RGS22: variants seen among roughly 807,000 people sequenced by gnomAD.
RGS22 encodes the protein regulator of G-protein signaling 22.
Under a neutral mutation model 172.9 loss-of-function variants are expected in RGS22, and 148 were observed. The ratio of observed to expected loss-of-function variants is 0.86; its 90% CI spans 0.75 to 0.98. The LOEUF is 0.98. RGS22 is among the 50% of genes least tolerant of loss of function. RGS22 has a pLI of 0.00. For synonymous variants in RGS22, 458 were observed against 480.2 expected (o/e 0.95, Z 0.60); for missense variants, 1,347 against 1,440.8 (o/e 0.93, Z 1.05).
chr8:100,003,859 AT>A, intron 17 of RGS22, 66 bp downstream of exon 17: 2 of 1,320,824 alleles, frequency 1.5e-6, no homozygotes, highest in Non-Finnish European at 2.0e-6. Context: ...CTTTTATAAT[AT>A]GTTGAATCAA....
chr8:100,031,881 G>T (rs1007893726), intron 14 of RGS22, among the ~76,000 whole-genome samples: 3 of 152,090 alleles, frequency 2.0e-5, no homozygotes, highest in Non-Finnish European at 2.9e-5. Flanking sequence ...TTAAGGAAAA[G>T]AATTTTCAAC....
intron 9 of RGS22, among the ~76,000 whole-genome samples, chr8:100,057,448 C>T (rs1809731391): frequency 6.6e-6 from 1 of 152,138 alleles, no homozygotes; most frequent in Non-Finnish European, 1.5e-5. Flanking sequence ...TGTGATTTGG[C>T]TTTGTGTCCC....
chr8:100,085,590 T>G (rs1812098966), intron 3 of RGS22, among the ~76,000 whole-genome samples: 1 of 152,228 alleles, frequency 6.6e-6, no homozygotes, highest in African/African-American at 2.4e-5. Flanking sequence ...AATGAGTCAC[T>G]GATTCTTCAG....
intron 16 of RGS22, among the ~76,000 whole-genome samples, chr8:100,005,100 A>G (rs927820141): frequency 4.6e-5 from 7 of 152,058 alleles, no homozygotes; most frequent in Admixed American, 1.3e-4. Flanking sequence ...AGAGTTTACA[A>G]TACAACCTTA....
intron 6 of RGS22, 22 bp from the exon 7 acceptor site, chr8:100,066,318 A>G: frequency 6.2e-7 from 1 of 1,604,184 alleles, no homozygotes; most frequent in Non-Finnish European, 8.5e-7. Context: ...GGAGCATATT[A>G]GTTTAACATA....
At chr8:99,991,254 T>C (rs1350791469) in intron 20 of RGS22, among the ~76,000 whole-genome samples, 1 of 152,128 alleles carries the variant, frequency 6.6e-6, no homozygotes, top group Non-Finnish European at 1.5e-5. Flanking sequence ...TAAAGCAGGA[T>C]GGACAATGAC....
At position 99,965,337 on chromosome 8, in the gene RGS22, G is replaced by A; in HGVS notation, c.3613C>T (p.Gln1205Ter). ...TCTGCACCATCTTGCATGCTTACCT[G>A]TCGGCCATATGGTTGGAGGCCTAGG... ...SFLGLQPYGR[Q>*]PTWCYSKYIE... The change falls in exon 24 of 28, where the codon CAG (glutamine) becomes TAG (stop). Residue 1205 changes from glutamine to a stop codon, truncating the protein, a stop_gained and splice_region_variant. Transcript: ENST00000360863. LOFTEE classifies it high-confidence loss of function. 6.2e-7 allele frequency: 1 copy of A among 1,610,524 alleles called. No homozygotes were observed. The highest frequency in any genetic ancestry group is 8.5e-7 in the Non-Finnish European group (1 of 1,176,974).
intron 14 of RGS22, among the ~76,000 whole-genome samples, chr8:100,028,264 T>A (rs548031450): frequency 2.0e-5 from 3 of 152,266 alleles, no homozygotes; most frequent in East Asian, 3.9e-4. Flanking sequence ...GGCCATGCAC[T>A]TAAAAGTACA....
At chr8:99,973,847 C>T (rs1044944423) in intron 23 of RGS22, among the ~76,000 whole-genome samples, 93 of 143,786 alleles carry the variant, frequency 6.5e-4, no homozygotes, top group Non-Finnish European at 3.1e-4. Context: ...CCAGCCCGGG[C>T]GACAGAGTGA....
intron 20 of RGS22, among the ~76,000 whole-genome samples, chr8:99,996,242 C>T (rs1456882613): frequency 6.6e-6 from 1 of 152,116 alleles, no homozygotes; most frequent in Non-Finnish European, 1.5e-5. Context: ...CACATGTACC[C>T]TAGAACTTAA....
At chr8:100,105,818 G>C in intron 1 of RGS22, 79 bp downstream of exon 1, 1 of 1,277,668 alleles carries the variant, frequency 7.8e-7, no homozygotes, top group Non-Finnish European at 1.1e-6. Flanking sequence ...GAGGGCAGGA[G>C]GTAAAGTCCA....
intron 2 of RGS22, among the ~76,000 whole-genome samples, chr8:100,097,724 C>A (rs1813088729): frequency 6.6e-6 from 1 of 152,148 alleles, no homozygotes; most frequent in African/African-American, 2.4e-5. Context: ...GTTATCTGAC[C>A]ATCTTCTGAT....
chr8:100,020,180 G>A (rs766969609), intron 14 of RGS22, among the ~76,000 whole-genome samples: 5 of 152,008 alleles, frequency 3.3e-5, no homozygotes, highest in Admixed American at 1.3e-4. Context: ...CACCACGCCC[G>A]GCCGCAATTT....
intron 22 of RGS22, among the ~76,000 whole-genome samples, chr8:99,980,283 A>G (rs1295998043): frequency 6.6e-6 from 1 of 152,168 alleles, no homozygotes; most frequent in Non-Finnish European, 1.5e-5. Context: ...ATATACATTA[A>G]AAAAGGATTG....
intron 3 of RGS22, among the ~76,000 whole-genome samples, chr8:100,083,583 G>A (rs1811924430): frequency 6.6e-6 from 1 of 151,576 alleles, no homozygotes; most frequent in South Asian, 2.1e-4. Flanking sequence ...GGCCAGGATG[G>A]TCTCAATCTC....
chr8:99,977,958 T>TC lies in RGS22; in HGVS notation c.3477dup (p.Lys1160GlufsTer35), dbSNP rs1044202753. On this transcript the variant is annotated frameshift_variant, in exon 23 of 28. Transcript: ENST00000360863. LOFTEE classifies it high-confidence loss of function. ...TCTTCTAGGACTGCCAATTTTTTTT[T>TC]CTGCTTATTATATTCTTGTCTTCTC... The TC allele has an allele frequency of 1.3e-6, 2 of 1,564,696 alleles. No homozygotes were observed. The highest frequency in any genetic ancestry group is 2.8e-5 in the African/African-American group (2 of 71,282).
At chr8:100,039,834 A>T in intron 13 of RGS22, 128 bp downstream of exon 13, 1 of 506,314 alleles carries the variant, frequency 2.0e-6, no homozygotes. Flanking sequence ...AATATTAAAT[A>T]TGAATTTTCT....
chr8:100,092,552 T>C (rs1812664249), intron 3 of RGS22, among the ~76,000 whole-genome samples: 1 of 152,182 alleles, frequency 6.6e-6, no homozygotes, highest in African/African-American at 2.4e-5. Context: ...AAGTTTGTTA[T>C]AAAAGTGAGG....
At position 99,982,079 on chromosome 8, in the gene RGS22, T is replaced by C; in HGVS notation, c.3218A>G (p.Gln1073Arg). The change falls in exon 22 of 28, where the codon CAG becomes CGG. Residue 1073 changes from glutamine to arginine, a missense_variant. Physicochemically the swap from Gln to Arg is conservative, Grantham distance 43. Coordinates refer to ENST00000360863, the MANE Select transcript of RGS22 (RefSeq NM_015668.5). The part of the protein sequence containing the change: ...CHSHCDESVI[Q>R]KKITTIINCF... ...GTTGATAATAGTTGTAATCTTCTTC[T>C]GGATGACAGACTCATCACAATGAGA... The C allele has an allele frequency of 1.2e-6, 2 of 1,613,656 alleles. No individual in the cohort carries two copies. The highest frequency in any genetic ancestry group is 1.7e-4 in the Middle Eastern group (1 of 6,052).
Sources: allele counts gnomAD v4.1 joint callset (sites outside exome capture counted in the v4.1 genomes callset), GRCh38; gene constraint gnomAD v4.1.1; transcripts MANE v1.5; gene names NCBI Gene and HGNC (gene_info 2026-07-23, HGNC 2026-07-21).